The following DHX36 variants were observed in gnomAD, a reference collection of about 807,000 sequenced individuals.
The protein encoded by DHX36 is ATP-dependent DNA/RNA helicase DHX36.
DHX36 carries 50 observed loss-of-function variants against 139.0 expected under a neutral mutation model. The observed-to-expected ratio is 0.36, with a 90% confidence interval of 0.29 to 0.46. The LOEUF (loss-of-function observed/expected upper bound fraction) is 0.46, where lower values mean the gene tolerates loss of function less well. Ranked by LOEUF, DHX36 falls within the 20% of genes least tolerant of loss-of-function variation. DHX36 has a pLI of 1.00. For missense variants in DHX36, 1,024 were observed against 1,211.3 expected (o/e 0.85, Z 2.29); for synonymous variants, 425 against 401.9 (o/e 1.06, Z -0.69).
rs1016649965 is a variant in DHX36 at position 154,273,064 on chromosome 3, TTC to T, written c.*3105_*3106del. ...TTTCTTTTGTTTTTTTCCTGAAAGT[TTC>T]TGTTTCAGGTTTTTTTTTTAAGAGT... On this transcript the variant is annotated 3_prime_UTR_variant, in exon 25 of 25. Transcript: ENST00000496811. 4 of 152,204 alleles carry T rather than the reference TTC, an allele frequency of 2.6e-5. No homozygotes were observed. The highest frequency in any genetic ancestry group is 7.2e-5 in the African/African-American group (3 of 41,460). The allele number at this position is 152,204 out of a possible 1,614,324, so 9.4% of individuals were successfully genotyped here.
chr3:154,316,673 C>T (rs1712995590), intron 1 of DHX36, among the ~76,000 whole-genome samples: 1 of 151,778 alleles, frequency 6.6e-6, no homozygotes, highest in African/African-American at 2.4e-5. Context: ...ATAAGGTGAT[C>T]CAATGTGGCA....
At chr3:154,301,327 CT>C (rs1712268083) in intron 9 of DHX36, among the ~76,000 whole-genome samples, 200 bp from the exon 10 acceptor site, 3 of 152,062 alleles carry the variant, frequency 2.0e-5, no homozygotes. Context: ...AATCATTCTT[CT>C]TTATTGAAGT....
chr3:154,286,199 C>T lies in DHX36; in HGVS notation c.2032-1212G>A, dbSNP rs59754386. On this transcript the variant is annotated intron_variant, in intron 17 of 24. Coordinates refer to ENST00000496811, the MANE Select transcript of DHX36 (RefSeq NM_020865.3). ...AAAAAAAAAAAAAAAAAAACACCAA[C>T]AAACACTTTACTCTCAATGATTTGC... is the stretch of plus-strand genomic sequence containing the variant. Among the ~76,000 whole-genome samples, 620 of 112,280 alleles carry T rather than the reference C, an allele frequency of 5.5e-3. 22 individuals carry two copies. Among genetic ancestry groups the T allele is most frequent in the African/African-American group, 0.022 (594 of 27,134 alleles). 73.7% of individuals were successfully genotyped at this position (112,280 alleles called of 152,430 possible). A position where few individuals can be genotyped will look rare whatever the true frequency, so the allele number is the denominator to read the frequency against.
intron 12 of DHX36, among the ~76,000 whole-genome samples, chr3:154,298,503 T>G (rs539563122): frequency 9.2e-5 from 14 of 152,262 alleles, no homozygotes; most frequent in Admixed American, 5.2e-4. Flanking sequence ...GCAAGCTAGA[T>G]AGTAAATAAT....
intron 22 of DHX36, among the ~76,000 whole-genome samples, chr3:154,278,052 C>T (rs947089071): frequency 3.3e-5 from 5 of 151,864 alleles, no homozygotes; most frequent in Non-Finnish European, 5.9e-5. Flanking sequence ...CACACTATAC[C>T]ACTGAAGAAT....
chr3:154,284,718 G>A (rs758415035), intron 18 of DHX36, 49 bp from the exon 19 acceptor site: 20 of 1,591,226 alleles, frequency 1.3e-5, no homozygotes, highest in Non-Finnish European at 1.7e-5. Context: ...ATGCTATAAT[G>A]GAGAATGACA....
At chr3:154,282,533 T>C (rs184408773) in intron 20 of DHX36, among the ~76,000 whole-genome samples, 241 of 145,028 alleles carry the variant, frequency 1.7e-3, no homozygotes, top group African/African-American at 6.4e-3. Flanking sequence ...CATTCCACTC[T>C]TTTTTTTTTC....
intron 11 of DHX36, among the ~76,000 whole-genome samples, chr3:154,300,334 C>G (rs1048815384): frequency 6.6e-6 from 1 of 152,168 alleles, no homozygotes; most frequent in Non-Finnish European, 1.5e-5. Context: ...TCCCAGAGTG[C>G]TGGGATTACA....
At position 154,303,388 on chromosome 3, in the gene DHX36, T is replaced by C. The variant is rs1324648858; in HGVS notation, c.1158A>G (p.Ile386Met). ...CCACAACCGGAAAGGTAAAACCAGG[T>C]ATATGTATCATTGGACAGTTACCTA... ...EYFGNCPMIH[I>M]PGFTFPVVEY... is the part of the protein sequence containing the mutation. The change falls in exon 9 of 25, where the codon ATA becomes ATG. Residue 386 changes from isoleucine (I) to methionine (M), a missense_variant. Physicochemically the swap from Ile to Met is conservative, Grantham distance 10. Transcript: ENST00000496811. 6.2e-7 allele frequency: 1 copy of C among 1,606,702 alleles called. No homozygotes were observed.
chr3:154,300,504 T>C, intron 11 of DHX36, 90 bp downstream of exon 11: 1 of 985,434 alleles, frequency 1.0e-6, no homozygotes, highest in South Asian at 1.4e-5. Flanking sequence ...GTCTATTTCA[T>C]AAGCATTTAA....
chr3:154,312,634 A>G (rs1712802703), intron 3 of DHX36, among the ~76,000 whole-genome samples: 1 of 151,306 alleles, frequency 6.6e-6, no homozygotes, highest in East Asian at 2.0e-4. Flanking sequence ...TGAGGTCAGG[A>G]GTTTGAGACC....
chr3:154,289,928 T>C (rs1711716840), intron 15 of DHX36, 102 bp from the exon 16 acceptor site: 5 of 658,170 alleles, frequency 7.6e-6, no homozygotes, highest in South Asian at 6.1e-5. Flanking sequence ...CCAATATCAA[T>C]TTCTTACATG....
chr3:154,283,328 TG>T (rs1719387888), intron 19 of DHX36, 57 bp from the exon 20 acceptor site: 1 of 1,190,366 alleles, frequency 8.4e-7, no homozygotes, highest in Admixed American at 1.7e-5. Context: ...AGATTACTAC[TG>T]GTTTCCCTCT....
chr3:154,315,387 A>T (rs1576882118), intron 2 of DHX36, 107 bp from the exon 3 acceptor site: 2 of 716,440 alleles, frequency 2.8e-6, no homozygotes, highest in Non-Finnish European at 4.4e-6. Flanking sequence ...AGTCATCCAA[A>T]TCCAAAGCTT....
In DHX36 at chr3:154,292,615, T is replaced by A. The variant is rs747991225; in HGVS notation, c.1750A>T (p.Ser584Cys). The change falls in exon 15 of 25, where the codon AGT (serine) becomes TGT (cysteine). Residue 584 changes from serine to cysteine, a missense_variant. This residue lies in a region of DHX36 where 470 missense variants were observed against 616.2 expected (regional missense o/e 0.76). Coordinates refer to ENST00000496811, the MANE Select transcript of DHX36 (RefSeq NM_020865.3). ...CTAACCCACTCAGCGGACATTGTAC[T>A]GATATTGTTCTGAGTATCAAAATGC... Reference protein sequence around the residue: ...ETHFDTQNNISTMSAEWVSKA... With the variant: ...ETHFDTQNNICTMSAEWVSKA... The A allele has an allele frequency of 3.1e-6, 5 of 1,613,974 alleles. No individual in the cohort carries two copies.
chr3:154,318,671 C>T (rs1335086763), intron 1 of DHX36, among the ~76,000 whole-genome samples: 1 of 152,112 alleles, frequency 6.6e-6, no homozygotes, highest in Non-Finnish European at 1.5e-5. Flanking sequence ...TGCATATGTA[C>T]CAAGTAAGCA....
At chr3:154,287,003 T>C (rs1329592277) in intron 17 of DHX36, among the ~76,000 whole-genome samples, 2 of 151,976 alleles carry the variant, frequency 1.3e-5, no homozygotes, top group African/African-American at 4.8e-5. Flanking sequence ...AAAACAAGAT[T>C]TATCATAAAG....
At chr3:154,279,384 A>G (rs898748816) in intron 22 of DHX36, 1 of 152,198 alleles carries the variant, frequency 6.6e-6, no homozygotes, top group Admixed American at 6.5e-5. Context: ...TTTTTTCAGA[A>G]AGCCCTCCCA....
At chr3:154,299,147 C>T (rs974639885) in intron 12 of DHX36, among the ~76,000 whole-genome samples, 1 of 151,764 alleles carries the variant, frequency 6.6e-6, no homozygotes, top group African/African-American at 2.4e-5. Context: ...GTGTCACATG[C>T]CTGTAATCCC....
Sources: allele counts gnomAD v4.1 joint callset (sites outside exome capture counted in the v4.1 genomes callset), GRCh38; gene constraint gnomAD v4.1.1; regional missense constraint gnomAD v4.1.1; transcripts MANE v1.5; gene names NCBI Gene and HGNC (gene_info 2026-07-23, HGNC 2026-07-21).